RREB1: variants seen among roughly 807,000 people sequenced by gnomAD.
The protein encoded by RREB1 is ras responsive element binding protein 1.
In RREB1, 27 loss-of-function variants were observed where a neutral mutation model predicts 117.8. That is an observed-to-expected ratio of 0.23 (90% CI 0.17 to 0.32). RREB1 has a LOEUF of 0.32. Ranked by LOEUF, RREB1 falls within the 10% of genes least tolerant of loss-of-function variation. The pLI is 1.00. For synonymous variants in RREB1, 1,298 were observed against 1,026.7 expected, an observed-to-expected ratio of 1.26 and a Z score of -5.05; for missense variants, 2,577 against 2,378.2, an observed-to-expected ratio of 1.08 and a Z score of -1.74.
intron 1 of RREB1, among the ~76,000 whole-genome samples, chr6:7,149,999 T>TG (rs1763044285): frequency 6.6e-6 from 1 of 151,742 alleles, no homozygotes; most frequent in Non-Finnish European, 1.5e-5. Context: ...TGGTTGGTTT[T>TG]TTTTTTTTTT....
chr6:7,230,437 C>G lies in RREB1; in HGVS notation c.2338C>G (p.Leu780Val), dbSNP rs1767862965. The change falls in exon 10 of 13, where the codon CTG becomes GTG. Residue 780 changes from leucine to valine, a missense_variant. Coordinates refer to ENST00000379938, the MANE Select transcript of RREB1 (RefSeq NM_001003699.4). ...IHMRTHCGRG[L>V]GGGHKGRKPF... ...CATGCGCACGCACTGCGGCCGCGGC[C>G]TGGGCGGGGGCCACAAGGGCCGCAA... 2 of 1,591,550 alleles carry G rather than the reference C, an allele frequency of 1.3e-6. No individual in the cohort carries two copies. Among genetic ancestry groups the G allele is most frequent in the African/African-American group, 1.3e-5 (1 of 74,712 alleles).
rs747599598 is a variant in RREB1 at position 7,231,560 on chromosome 6, G to T, written c.3461G>T (p.Gly1154Val). Residue 1154 changes from glycine to valine, a missense_variant, in exon 10 of 13, where the codon GGC becomes GTC. By Grantham distance (109) the Gly-to-Val change is moderately radical. Coordinates refer to ENST00000379938, the MANE Select transcript of RREB1 (RefSeq NM_001003699.4). ...QGPAGTSKKRGRKRGMRSRPR... is the reference protein window; with the variant it reads ...QGPAGTSKKRVRKRGMRSRPR... ...CCAGCGGGCACGTCGAAGAAGAGGG[G>T]CCGGAAAAGGGGGATGAGGAGCCGA... 4 of 1,610,658 alleles carry T rather than the reference G, an allele frequency of 2.5e-6. No homozygotes were observed. The Admixed American group carries it at 6.7e-5, about 27-fold the overall frequency.
chr6:7,116,019 G>T (rs183385773), intron 1 of RREB1, among the ~76,000 whole-genome samples: 2 of 152,092 alleles, frequency 1.3e-5, no homozygotes. Flanking sequence ...AGTCACAAAC[G>T]CCTCCCAAGT....
chr6:7,160,571 G>A (rs956990531), intron 1 of RREB1, among the ~76,000 whole-genome samples: 2 of 152,118 alleles, frequency 1.3e-5, no homozygotes, highest in African/African-American at 2.4e-5. Flanking sequence ...ATGCAGTGGT[G>A]TGATCACCGC....
intron 1 of RREB1, among the ~76,000 whole-genome samples, chr6:7,122,125 A>G (rs1317347834): frequency 6.6e-6 from 1 of 152,364 alleles, no homozygotes; most frequent in Non-Finnish European, 1.5e-5. Context: ...CGAATAACTC[A>G]TCAAAACCTC....
intron 1 of RREB1, among the ~76,000 whole-genome samples, chr6:7,170,396 G>GC (rs1258188215): frequency 4.6e-5 from 7 of 152,124 alleles, no homozygotes; most frequent in Non-Finnish European, 4.4e-5. Context: ...ACTCCTCACT[G>GC]CCCAGGAGCA....
chr6:7,239,904 G>C (rs1008926985), intron 10 of RREB1, among the ~76,000 whole-genome samples: 1 of 152,240 alleles, frequency 6.6e-6, no homozygotes, highest in South Asian at 2.1e-4. Flanking sequence ...CCCTGTGGGA[G>C]GGACACAGCC....
chr6:7,179,223 C>T (rs932610240), intron 2 of RREB1, among the ~76,000 whole-genome samples: 3 of 152,150 alleles, frequency 2.0e-5, no homozygotes, highest in Non-Finnish European at 4.4e-5. Flanking sequence ...CTTGAGCAAA[C>T]TCTAACTCTA....
chr6:7,147,610 G>C (rs1013988478), intron 1 of RREB1, among the ~76,000 whole-genome samples: 1 of 152,146 alleles, frequency 6.6e-6, no homozygotes, highest in Non-Finnish European at 1.5e-5. Flanking sequence ...CATCCATCCC[G>C]TGTCCTAAGC....
At position 7,231,833 on chromosome 6, in the gene RREB1, A is replaced by G; in HGVS notation, c.3734A>G (p.Lys1245Arg). The change falls in exon 10 of 13, where the codon AAG becomes AGG. Residue 1245 changes from lysine to arginine, a missense_variant. Transcript: ENST00000379938. ...AACTCGTACACCAACTGCCTGCAGAAGATCACCTGTCCCCACTGTCCCCGG... is the reference window on the plus strand; with the variant it reads ...AACTCGTACACCAACTGCCTGCAGAGGATCACCTGTCCCCACTGTCCCCGG... The part of the protein sequence containing the change: ...KRNSYTNCLQ[K>R]ITCPHCPRVF... The G allele has an allele frequency of 6.2e-7, 1 of 1,613,740 alleles. No homozygotes were observed. Among genetic ancestry groups the G allele is most frequent in the Non-Finnish European group, 8.5e-7 (1 of 1,180,032 alleles).
chr6:7,212,781 G>A (rs1185951060), intron 8 of RREB1: 2 of 152,154 alleles, frequency 1.3e-5, no homozygotes, highest in African/African-American at 4.8e-5. Context: ...ACTTAGGAAT[G>A]GGAAAGTCTG....
At chr6:7,148,979 A>G (rs1013716359) in intron 1 of RREB1, among the ~76,000 whole-genome samples, 2 of 152,100 alleles carry the variant, frequency 1.3e-5, no homozygotes, top group Admixed American at 6.5e-5. Context: ...ATGGAGTGCA[A>G]TGGCATGATT....
chr6:7,144,351 A>G (rs929711857), intron 1 of RREB1, among the ~76,000 whole-genome samples: 1 of 152,188 alleles, frequency 6.6e-6, no homozygotes, highest in Admixed American at 6.5e-5. Flanking sequence ...TTTGTCAACT[A>G]TATTATAATG....
chr6:7,135,937 C>T (rs1188034905), intron 1 of RREB1, among the ~76,000 whole-genome samples: 1 of 152,084 alleles, frequency 6.6e-6, no homozygotes, highest in African/African-American at 2.4e-5. Context: ...AAATTACTGT[C>T]CTGTGGTGGA....
intron 1 of RREB1, among the ~76,000 whole-genome samples, chr6:7,129,749 G>T (rs1205152634): frequency 6.6e-6 from 1 of 152,248 alleles, no homozygotes; most frequent in Admixed American, 6.5e-5. Context: ...TGTCGGAAAG[G>T]TGCAGCCGGG....
chr6:7,187,362 T>G (rs1765137727), intron 4 of RREB1, 72 bp from the exon 5 acceptor site: 1 of 935,218 alleles, frequency 1.1e-6, no homozygotes, highest in African/African-American at 1.6e-5. Flanking sequence ...CTTATTACAC[T>G]TATTACAGAA....
chr6:7,224,254 A>G (rs1341088042), intron 8 of RREB1, among the ~76,000 whole-genome samples: 1 of 152,174 alleles, frequency 6.6e-6, no homozygotes, highest in East Asian at 1.9e-4. Context: ...CAAATCCCAG[A>G]TATCCTATGT....
Position 7,251,239 on chromosome 6 carries a change from AC to A in RREB1, c.*2272del, listed in dbSNP as rs1410533371. The stretch of plus-strand genomic sequence containing the variant: ...CCCTCGTAGTCAATAAGGTCTTGCC[AC>A]ATTTTATTAGTGAGGTGGAGAAACG... On this transcript the variant is annotated 3_prime_UTR_variant, in exon 13 of 13. Coordinates refer to ENST00000379938, the MANE Select transcript of RREB1 (RefSeq NM_001003699.4). 5.3e-5 allele frequency: 8 copies of A among 152,192 alleles called. No homozygotes were observed. Among genetic ancestry groups the A allele is most frequent in the Admixed American group, 1.3e-4 (2 of 15,288 alleles). 9.4% of individuals were successfully genotyped at this position (152,192 alleles called of 1,614,324 possible).
In RREB1 at chr6:7,250,867, T is replaced by G. The variant is rs1218928647; in HGVS notation, c.*1899T>G. ...TGTATTAGGGGTGTATGAACCAGTT[T>G]AAAAACGAGGTTTTATTTACTGTAG... On this transcript the variant is annotated 3_prime_UTR_variant, in exon 13 of 13. Transcript: ENST00000379938. 1 of 152,176 alleles carries G rather than the reference T, an allele frequency of 6.6e-6. No individual in the cohort carries two copies. The highest frequency in any genetic ancestry group is 2.4e-5 in the African/African-American group (1 of 41,446). The allele number at this position is 152,176 out of a possible 1,614,324, so 9.4% of individuals were successfully genotyped here. A position where few individuals can be genotyped will look rare whatever the true frequency, so the allele number is the denominator to read the frequency against.
Sources: allele counts gnomAD v4.1 joint callset (sites outside exome capture counted in the v4.1 genomes callset), GRCh38; gene constraint gnomAD v4.1.1; transcripts MANE v1.5; gene names NCBI Gene and HGNC (gene_info 2026-07-23, HGNC 2026-07-21).